The following ALMS1 variants were observed in gnomAD, a reference collection of about 807,000 sequenced individuals.
ALMS1 encodes ALMS1 centrosome and basal body associated protein.
ALMS1 carries 271 observed loss-of-function variants against 352.2 expected under a neutral mutation model. The observed-to-expected ratio is 0.77, with a 90% confidence interval of 0.70 to 0.85. ALMS1 has a LOEUF of 0.85. ALMS1 is among the 40% of genes least tolerant of loss of function. ALMS1 has a pLI of 0.00. For missense variants in ALMS1, 5,445 were observed against 4,870.7 expected, an observed-to-expected ratio of 1.12 and a Z score of -3.51; for synonymous variants, 1,865 against 1,761.2, an observed-to-expected ratio of 1.06 and a Z score of -1.48.
rs371524359 is a variant in ALMS1, at chr2:73,448,661, C to T, written c.2134C>T (p.Leu712Phe). The T allele has an allele frequency of 6.2e-6, 10 of 1,612,780 alleles. No individual in the cohort carries two copies. The East Asian group carries it at 1.8e-4, about 29-fold the overall frequency. The change falls in exon 8 of 23, where the codon CTC becomes TTC. Residue 712 changes from leucine (L) to phenylalanine (F), a missense_variant. Transcript: ENST00000613296. Reference protein sequence around the residue: ...ADQKTGTATVLSTPHSHREKP... With the variant: ...ADQKTGTATVFSTPHSHREKP... ...CCAGAAGACTGGGACAGCAACAGTACTCTCTACTCCCCACTCACATAGAGA... is the reference window on the plus strand; with the variant it reads ...CCAGAAGACTGGGACAGCAACAGTATTCTCTACTCCCCACTCACATAGAGA...
rs1670518012 is a variant in ALMS1 at position 73,386,050 on chromosome 2, G to A, written c.182G>A (p.Gly61Glu). 3 of 1,581,702 alleles carry A rather than the reference G, an allele frequency of 1.9e-6. No homozygotes were observed. Among genetic ancestry groups the A allele is most frequent in the Non-Finnish European group, 2.6e-6 (3 of 1,164,436 alleles). The change falls in exon 1 of 23, where the codon GGG (glycine) becomes GAG (glutamate). Residue 61 changes from glycine (G) to glutamate (E), a missense_variant. Coordinates refer to ENST00000613296, the MANE Select transcript of ALMS1 (RefSeq NM_001378454.1). ...GAGTTGGACTCCGACTCTCACTACG[G>A]GCCCCAGCATCTGGAAAGTATAGAC... ...GRELDSDSHY[G>E]PQHLESIDDE...
chr2:73,590,772 G>A (rs1170251545), intron 16 of ALMS1, among the ~76,000 whole-genome samples: 7 of 149,582 alleles, frequency 4.7e-5, no homozygotes, highest in African/African-American at 1.2e-4. Context: ...TCCACCTTGC[G>A]GGTTCAAGCG....
chr2:73,598,770 A>T (rs1675607021), intron 16 of ALMS1, among the ~76,000 whole-genome samples: 1 of 152,162 alleles, frequency 6.6e-6, no homozygotes, highest in Non-Finnish European at 1.5e-5. Context: ...ACTATTTTAC[A>T]CTATAGTATT....
chr2:73,486,037 G>T (rs920605960), intron 9 of ALMS1, among the ~76,000 whole-genome samples: 55 of 151,928 alleles, frequency 3.6e-4, no homozygotes, highest in Non-Finnish European at 6.2e-4. Context: ...CGTCTTCTGC[G>T]TGGCTCACGC....
intron 12 of ALMS1, among the ~76,000 whole-genome samples, chr2:73,548,557 C>T (rs1558690055): frequency 2.0e-5 from 3 of 152,152 alleles, no homozygotes; most frequent in Non-Finnish European, 4.4e-5. Flanking sequence ...GCAGACTGTG[C>T]GTGCACATGC....
chr2:73,460,797 C>T (rs975932796), intron 9 of ALMS1, among the ~76,000 whole-genome samples: 1 of 152,250 alleles, frequency 6.6e-6, no homozygotes, highest in East Asian at 1.9e-4. Context: ...TTATATCCCG[C>T]ACATGGCTCG....
intron 16 of ALMS1, among the ~76,000 whole-genome samples, chr2:73,587,353 C>T (rs1033007535): frequency 6.6e-6 from 1 of 152,072 alleles, no homozygotes; most frequent in Non-Finnish European, 1.5e-5. Context: ...TTGTCTTGTT[C>T]CAGTTCTCAG....
intron 9 of ALMS1, among the ~76,000 whole-genome samples, chr2:73,481,933 C>T (rs989767638): frequency 1.1e-4 from 17 of 151,906 alleles, no homozygotes; most frequent in African/African-American, 4.1e-4. Context: ...ATTTTGTATC[C>T]TGAGACTTTG....
chr2:73,447,997 A>G lies in ALMS1; in HGVS notation c.1470A>G (p.Gln490=), dbSNP rs769982352. The G allele has an allele frequency of 2.7e-5, 43 of 1,613,444 alleles. No homozygotes were observed. The highest frequency in any genetic ancestry group is 1.0e-4 in the Admixed American group (6 of 59,962). Reference sequence around the variant, plus strand: ...AAGGAGGCATAGCTAAAGTTACTCAATCCAACTTGAAGTCAGGCATCACTA... The same window carrying G: ...AAGGAGGCATAGCTAAAGTTACTCAGTCCAACTTGAAGTCAGGCATCACTA... The part of the protein sequence containing the change: ...TSKGGIAKVT[Q]SNLKSGITTT... Residue 490 remains glutamine, a synonymous_variant, in exon 8 of 23, where the codon CAA becomes CAG. Transcript: ENST00000613296.
chr2:73,533,241 T>A (rs571015194), intron 11 of ALMS1, among the ~76,000 whole-genome samples: 186 of 152,362 alleles, frequency 1.2e-3, no homozygotes, highest in Non-Finnish European at 1.9e-3. Context: ...CTTACTAGGT[T>A]GCATACGCCC....
chr2:73,464,817 G>A (rs181317393), intron 9 of ALMS1, among the ~76,000 whole-genome samples: 2 of 152,276 alleles, frequency 1.3e-5, no homozygotes, highest in South Asian at 2.1e-4. Context: ...CAAAGAGCGA[G>A]CCAAATCATG....
In ALMS1 at chr2:73,541,829, A is replaced by G. The variant is rs1243310866; in HGVS notation, c.9907+6880A>G. Among the ~76,000 whole-genome samples, 4 of 152,248 alleles carry G rather than the reference A, an allele frequency of 2.6e-5. No individual in the cohort carries two copies. The South Asian group carries it at 8.3e-4, about 31-fold the overall frequency. On this transcript the variant is annotated intron_variant, in intron 12 of 22. Coordinates refer to ENST00000613296, the MANE Select transcript of ALMS1 (RefSeq NM_001378454.1). Reference sequence around the variant, plus strand: ...CAAGACTAAACCAGGAAGAAGTTGAATCTCTGAATAGACCAGTAACAGGCT... The same window carrying G: ...CAAGACTAAACCAGGAAGAAGTTGAGTCTCTGAATAGACCAGTAACAGGCT...
intron 11 of ALMS1, among the ~76,000 whole-genome samples, chr2:73,524,685 T>C (rs1673753477): frequency 1.3e-5 from 2 of 152,204 alleles, no homozygotes; most frequent in South Asian, 4.1e-4. Flanking sequence ...ACTCCTGATC[T>C]CAAGTGATCT....
chr2:73,492,818 A>G (rs540107247), intron 10 of ALMS1, among the ~76,000 whole-genome samples: 26 of 152,236 alleles, frequency 1.7e-4, no homozygotes, highest in Middle Eastern at 6.8e-3. Context: ...ATCTTGGTTC[A>G]CTGAAACCTC....
At chr2:73,491,659 TAAGTA>T (rs1234753110) in intron 10 of ALMS1, among the ~76,000 whole-genome samples, 161 bp downstream of exon 10, 1 of 152,088 alleles carries the variant, frequency 6.6e-6, no homozygotes, top group Non-Finnish European at 1.5e-5. Context: ...ATAAATGTGT[TAAGTA>T]AGAGAGAACA....
intron 16 of ALMS1, among the ~76,000 whole-genome samples, chr2:73,581,867 A>G (rs1489309221): frequency 6.6e-6 from 1 of 150,828 alleles, no homozygotes; most frequent in Non-Finnish European, 1.5e-5. Flanking sequence ...GCCTCAGCCT[A>G]CCGAGTAGCT....
intron 7 of ALMS1, among the ~76,000 whole-genome samples, chr2:73,441,013 G>A (rs945560648): frequency 1.3e-5 from 2 of 152,128 alleles, no homozygotes; most frequent in Admixed American, 1.3e-4. Context: ...TATGTGGGTG[G>A]AATGGTCTTC....
Position 73,573,091 on chromosome 2 carries a change from G to A in ALMS1, c.11214G>A (p.Arg3738=). ...NYISNTSSDC[R]PSEESELLTD... is the part of the protein sequence containing the mutation. ...TAAGCAACACTTCTTCGGATTGTCG[G>A]CCCTCAGAGGAGAGTGAGCTGCTCA... Residue 3738 remains arginine, a synonymous_variant, in exon 16 of 23, where the codon CGG becomes CGA. Coordinates refer to ENST00000613296, the MANE Select transcript of ALMS1 (RefSeq NM_001378454.1). 1 of 1,613,992 alleles carries A rather than the reference G, an allele frequency of 6.2e-7. No homozygotes were observed. Among genetic ancestry groups the A allele is most frequent in the South Asian group, 1.1e-5 (1 of 91,068 alleles).
intron 12 of ALMS1, among the ~76,000 whole-genome samples, chr2:73,547,996 C>T (rs374941469): frequency 2.0e-5 from 3 of 151,938 alleles, no homozygotes; most frequent in East Asian, 1.9e-4. Flanking sequence ...AAATGTCTGG[C>T]GTGAGCAACT....
Sources: gnomAD v4.1 joint callset for allele counts (sites outside exome capture counted in the v4.1 genomes callset) on GRCh38, gnomAD v4.1.1 for gene constraint, MANE v1.5 for transcripts, NCBI Gene and HGNC (gene_info 2026-07-23, HGNC 2026-07-21) for gene names.